HLCS: variants seen among roughly 807,000 people sequenced by gnomAD.
HLCS encodes the protein holocarboxylase synthetase, also known as biotin--protein ligase.
Under a neutral mutation model 75.0 loss-of-function variants are expected in HLCS, and 53 were observed. The observed-to-expected ratio is 0.71, with a 90% CI of 0.57 to 0.89. HLCS has a LOEUF of 0.89. Among genes scored for constraint, HLCS ranks in the 40% least tolerant of loss-of-function variants. The pLI is 0.00. For synonymous variants in HLCS, 431 were observed against 428.6 expected (o/e 1.01, Z -0.07); for missense variants, 966 against 1,074.0 (o/e 0.90, Z 1.41).
At chr21:36,765,962 G>T (rs985773351) in intron 7 of HLCS, among the ~76,000 whole-genome samples, 1 of 152,102 alleles carries the variant, frequency 6.6e-6, no homozygotes, top group African/African-American at 2.4e-5. Context: ...TTAAATGGAG[G>T]AATTATATTT....
intron 6 of HLCS, among the ~76,000 whole-genome samples, chr21:36,771,758 G>A (rs2060214785): frequency 1.3e-5 from 2 of 152,158 alleles, no homozygotes; most frequent in Admixed American, 1.3e-4. Flanking sequence ...CAGCACTTTG[G>A]GAGGCCGAGA....
intron 7 of HLCS, among the ~76,000 whole-genome samples, chr21:36,766,184 C>T (rs1330145727): frequency 1.3e-5 from 2 of 152,000 alleles, no homozygotes; most frequent in Non-Finnish European, 2.9e-5. Context: ...CCACCATGCC[C>T]GGCTGATTTT....
intron 6 of HLCS, among the ~76,000 whole-genome samples, chr21:36,864,722 T>C (rs2063498547): frequency 6.6e-6 from 1 of 152,208 alleles, no homozygotes; most frequent in Non-Finnish European, 1.5e-5. Context: ...AATCCATCTT[T>C]TAAAAAGATG....
chr21:36,761,222 T>C (rs745764611), intron 8 of HLCS, among the ~76,000 whole-genome samples: 50 of 152,206 alleles, frequency 3.3e-4, no homozygotes, highest in Admixed American at 4.6e-4. Context: ...GTTATAGCAC[T>C]TGAAAGCCAC....
intron 6 of HLCS, among the ~76,000 whole-genome samples, chr21:36,858,399 G>A (rs986668213): frequency 1.3e-4 from 20 of 152,146 alleles, no homozygotes; most frequent in Non-Finnish European, 2.6e-4. Flanking sequence ...TCCAAGAGAT[G>A]CCATGACTGA....
At chr21:36,772,711 G>A (rs1601176905) in intron 6 of HLCS, among the ~76,000 whole-genome samples, 1 of 151,652 alleles carries the variant, frequency 6.6e-6, no homozygotes, top group East Asian at 1.9e-4. Flanking sequence ...GAGGCCGGGC[G>A]TGTTGGTTCA....
intron 6 of HLCS, among the ~76,000 whole-genome samples, chr21:36,834,801 G>A (rs1055391910): frequency 3.3e-5 from 5 of 152,204 alleles, no homozygotes; most frequent in Non-Finnish European, 1.5e-5. Flanking sequence ...TGATCCGCCT[G>A]CCTCGGCCTC....
intron 6 of HLCS, among the ~76,000 whole-genome samples, chr21:36,870,325 C>T (rs944054499): frequency 6.6e-6 from 1 of 152,162 alleles, no homozygotes; most frequent in African/African-American, 2.4e-5. Flanking sequence ...AAAGAGAATA[C>T]ACCTAAGTTC....
intron 6 of HLCS, among the ~76,000 whole-genome samples, chr21:36,831,403 G>A (rs924767297): frequency 2.0e-5 from 3 of 152,162 alleles, no homozygotes; most frequent in African/African-American, 4.8e-5. Flanking sequence ...TTACTGGGCC[G>A]GCATGGTGGC....
chr21:36,946,428 G>C (rs998182461), intron 2 of HLCS, among the ~76,000 whole-genome samples: 2 of 151,834 alleles, frequency 1.3e-5, no homozygotes, highest in African/African-American at 4.8e-5. Flanking sequence ...TTTTTGTAGA[G>C]ACGAGAATTC....
chr21:36,924,699 G>A (rs1256038580), intron 5 of HLCS, among the ~76,000 whole-genome samples: 3 of 152,164 alleles, frequency 2.0e-5, no homozygotes, highest in African/African-American at 4.8e-5. Flanking sequence ...ATGAGATGGC[G>A]ACACAGGTAA....
At chr21:36,882,756 C>T (rs144473057) in intron 6 of HLCS, among the ~76,000 whole-genome samples, 6 of 151,914 alleles carry the variant, frequency 3.9e-5, no homozygotes, top group Admixed American at 1.3e-4. Context: ...CCACCGTGCC[C>T]GGCCCAGTCT....
chr21:36,912,022 G>A (rs1490701504), intron 5 of HLCS, among the ~76,000 whole-genome samples: 2 of 145,008 alleles, frequency 1.4e-5, no homozygotes, highest in Non-Finnish European at 1.5e-5. Flanking sequence ...AGTGAGCCAA[G>A]ATCATGCCAT....
At chr21:36,951,159 G>A (rs1314187795) in intron 2 of HLCS, among the ~76,000 whole-genome samples, 1 of 152,166 alleles carries the variant, frequency 6.6e-6, no homozygotes, top group African/African-American at 2.4e-5. Flanking sequence ...CTCAGCCTAT[G>A]AGCCTCTCTA....
intron 8 of HLCS, among the ~76,000 whole-genome samples, chr21:36,763,883 C>T (rs143244862): frequency 4.6e-5 from 7 of 152,316 alleles, no homozygotes; most frequent in Non-Finnish European, 1.0e-4. Flanking sequence ...AGCAGGCACA[C>T]GGGTCCTAAT....
At chr21:36,856,666 A>G (rs2063205141) in intron 6 of HLCS, among the ~76,000 whole-genome samples, 1 of 152,162 alleles carries the variant, frequency 6.6e-6, no homozygotes, top group Admixed American at 6.5e-5. Flanking sequence ...CCCCAGCAAC[A>G]AAAAGAAAAA....
chr21:36,848,993 A>G (rs1239439077), intron 6 of HLCS, among the ~76,000 whole-genome samples: 1 of 152,254 alleles, frequency 6.6e-6, no homozygotes, highest in Non-Finnish European at 1.5e-5. Flanking sequence ...TGGCGAAGAA[A>G]TAAAAGGTCC....
chr21:36,878,553 G>C (rs2064075664), intron 6 of HLCS, among the ~76,000 whole-genome samples: 1 of 152,120 alleles, frequency 6.6e-6, no homozygotes, highest in South Asian at 2.1e-4. Flanking sequence ...TTAGATCACA[G>C]CTCATTAATA....
chr21:36,874,622 T>A (rs1331637747), intron 6 of HLCS, among the ~76,000 whole-genome samples: 4 of 152,242 alleles, frequency 2.6e-5, no homozygotes, highest in Non-Finnish European at 5.9e-5. Context: ...ATAGAACTTT[T>A]GCATTTCTAT....
Sources: allele counts gnomAD v4.1 joint callset (sites outside exome capture counted in the v4.1 genomes callset), GRCh38; gene constraint gnomAD v4.1.1; transcripts MANE v1.5; gene names NCBI Gene and HGNC (gene_info 2026-07-23, HGNC 2026-07-21).